The following DLGAP4 variants were observed in gnomAD, a reference collection of about 807,000 sequenced individuals.
DLGAP4 encodes the protein DLG associated protein 4.
Under a neutral mutation model 86.9 loss-of-function variants are expected in DLGAP4, and 18 were observed. The observed-to-expected ratio is 0.21, with a 90% CI of 0.14 to 0.31. The LOEUF is 0.31. Among genes scored for constraint, DLGAP4 ranks in the 10% least tolerant of loss-of-function variants. The pLI, the probability that DLGAP4 is intolerant of heterozygous loss-of-function variation, is 1.00. For synonymous variants in DLGAP4, 548 were observed against 574.3 expected, an observed-to-expected ratio of 0.95 and a Z score of 0.65; for missense variants, 1,085 against 1,362.6, an observed-to-expected ratio of 0.80 and a Z score of 3.21.
chr20:36,322,442 T>A lies in DLGAP4; in HGVS notation c.-304+15930T>A, dbSNP rs201700103. 1.3e-4 allele frequency among the ~76,000 whole-genome samples: 20 copies of A among 152,280 alleles called. No homozygotes were observed. In the East Asian group the frequency reaches 3.9e-3, roughly 29 times the overall value. On this transcript the variant is annotated intron_variant, in intron 1 of 12. Coordinates refer to ENST00000339266, the MANE Select transcript of DLGAP4 (RefSeq NM_001365621.2). ...TAGATGCAAATCCAGCTCTGCTGCT[T>A]ATTAGGGGCTTGACTTCAGCAAGTT...
At position 36,503,574 on chromosome 20, in the gene DLGAP4, G is replaced by A. The variant is rs189500850; in HGVS notation, c.2512+2963G>A. 2.6e-3 allele frequency among the ~76,000 whole-genome samples: 347 copies of A among 134,106 alleles called. 1 individual carries two copies. The highest frequency in any genetic ancestry group is 3.5e-3 in the Admixed American group (42 of 11,880). 88.0% of individuals were successfully genotyped at this position (134,106 alleles called of 152,430 possible). A position where few individuals can be genotyped will look rare whatever the true frequency, so the allele number is the denominator to read the frequency against. ...GCGATCTTGGCTCACTGCAAGCTCC[G>A]CCTCCTAGGTTCACGCCATTCTCCT... On this transcript the variant is annotated intron_variant, in intron 10 of 12. Coordinates refer to ENST00000339266, the MANE Select transcript of DLGAP4 (RefSeq NM_001365621.2).
At chr20:36,372,132 G>A (rs1277561585) in intron 2 of DLGAP4, among the ~76,000 whole-genome samples, 3 of 152,178 alleles carry the variant, frequency 2.0e-5, no homozygotes, top group Non-Finnish European at 4.4e-5. Flanking sequence ...GATAAGAATA[G>A]CGTCCGAGGG....
At chr20:36,526,507 G>A (rs969099938) in intron 12 of DLGAP4, among the ~76,000 whole-genome samples, 1 of 151,964 alleles carries the variant, frequency 6.6e-6, no homozygotes, top group Non-Finnish European at 1.5e-5. Flanking sequence ...ACTGTGACTC[G>A]GGCTAGTTCC....
chr20:36,354,180 G>T (rs556892777), intron 1 of DLGAP4, among the ~76,000 whole-genome samples: 1 of 152,274 alleles, frequency 6.6e-6, no homozygotes, highest in Non-Finnish European at 1.5e-5. Flanking sequence ...CCCCATACCT[G>T]CAGCTCCACC....
At chr20:36,330,333 A>G (rs1555891403) in intron 1 of DLGAP4, among the ~76,000 whole-genome samples, 2 of 152,088 alleles carry the variant, frequency 1.3e-5, no homozygotes, top group African/African-American at 4.8e-5. Flanking sequence ...GAGAAGGGCT[A>G]GGTTACTGCC....
chr20:36,453,934 C>CAAAAAAAAAAAA (rs1194294335), intron 7 of DLGAP4, among the ~76,000 whole-genome samples: 3 of 42,606 alleles, frequency 7.0e-5, no homozygotes, highest in Non-Finnish European at 9.4e-5. Context: ...ACTCTGTCTC[C>CAAAAAAAAAAAA]AAAAAAAAAA....
chr20:36,461,694 G>A, intron 7 of DLGAP4: 4 of 352,458 alleles, frequency 1.1e-5, no homozygotes, highest in Non-Finnish European at 1.3e-5. Flanking sequence ...CCCCGCCCCC[G>A]CCCTCGCCCT....
At chr20:36,410,044 A>T (rs1415094278) in intron 2 of DLGAP4, among the ~76,000 whole-genome samples, 1 of 152,056 alleles carries the variant, frequency 6.6e-6, no homozygotes, top group East Asian at 1.9e-4. Flanking sequence ...AAAAAAAAAA[A>T]AAAAAAAGTA....
chr20:36,335,141 G>T (rs1473664287), intron 1 of DLGAP4, among the ~76,000 whole-genome samples: 1 of 152,146 alleles, frequency 6.6e-6, no homozygotes, highest in Non-Finnish European at 1.5e-5. Context: ...AGAGCTGGAG[G>T]CTTTTGAGAT....
intron 1 of DLGAP4, among the ~76,000 whole-genome samples, chr20:36,335,902 C>T (rs2065316896): frequency 6.6e-6 from 1 of 152,096 alleles, no homozygotes; most frequent in Non-Finnish European, 1.5e-5. Flanking sequence ...CTTGTTGACT[C>T]CCAGGGGTTG....
chr20:36,377,754 C>T (rs1044770441), intron 2 of DLGAP4, among the ~76,000 whole-genome samples: 1 of 152,146 alleles, frequency 6.6e-6, no homozygotes, highest in Non-Finnish European at 1.5e-5. Flanking sequence ...CAGGTTGGGG[C>T]GGCGGATGCC....
intron 10 of DLGAP4, among the ~76,000 whole-genome samples, chr20:36,514,672 CCA>C (rs2036931137): frequency 6.6e-6 from 1 of 151,952 alleles, no homozygotes; most frequent in African/African-American, 2.4e-5. Flanking sequence ...TCTCAGCCTC[CCA>C]CAGTGTTAGG....
chr20:36,366,300 A>G (rs1277132666), intron 1 of DLGAP4, among the ~76,000 whole-genome samples: 1 of 152,014 alleles, frequency 6.6e-6, no homozygotes, highest in East Asian at 1.9e-4. Flanking sequence ...ACCTGAAGTG[A>G]TCCACCCACC....
At chr20:36,524,409 C>A in intron 11 of DLGAP4, 68 bp downstream of exon 11, 1 of 1,353,532 alleles carries the variant, frequency 7.4e-7, no homozygotes, top group African/African-American at 1.4e-5. Flanking sequence ...ACTCTGCCAG[C>A]CCCTCGAAGC....
chr20:36,431,801 C>T lies in DLGAP4; in HGVS notation c.84C>T (p.Asp28=), dbSNP rs752634217. The change falls in exon 3 of 13, where the codon GAC becomes GAT. Residue 28 remains aspartate (D), a synonymous_variant. Transcript: ENST00000339266. This position sits in a 1 kb window ranked among gnomAD's most constrained non-coding sequence, Gnocchi z 5.1. ...PPHEPLFAGT[D]RNPYLLSPTE... Reference sequence around the variant, plus strand: ...ACGAGCCCCTGTTTGCAGGGACCGACCGCAACCCCTACCTGCTGTCGCCCA... The same window carrying T: ...ACGAGCCCCTGTTTGCAGGGACCGATCGCAACCCCTACCTGCTGTCGCCCA... The T allele has an allele frequency of 6.2e-7, 1 of 1,613,760 alleles. No homozygotes were observed. The highest frequency in any genetic ancestry group is 1.7e-5 in the Admixed American group (1 of 60,024).
At chr20:36,479,356 G>A (rs1273797445) in intron 7 of DLGAP4, among the ~76,000 whole-genome samples, 3 of 152,138 alleles carry the variant, frequency 2.0e-5, no homozygotes, top group African/African-American at 2.4e-5. Flanking sequence ...GTGTCAACAG[G>A]CATTCACCTG....
intron 6 of DLGAP4, among the ~76,000 whole-genome samples, chr20:36,445,311 C>G (rs1158191835): frequency 6.6e-6 from 1 of 152,046 alleles, no homozygotes; most frequent in East Asian, 1.9e-4. Context: ...TGAGACCAGC[C>G]TAGCCAATAT....
At chr20:36,489,129 T>G (rs997880034) in intron 7 of DLGAP4, among the ~76,000 whole-genome samples, 4 of 152,132 alleles carry the variant, frequency 2.6e-5, no homozygotes, top group African/African-American at 9.7e-5. Flanking sequence ...TTGTTTACAG[T>G]ATGAGAGCTG....
intron 7 of DLGAP4, among the ~76,000 whole-genome samples, chr20:36,493,788 C>G (rs1438565376): frequency 6.6e-6 from 1 of 152,220 alleles, no homozygotes; most frequent in East Asian, 1.9e-4. Context: ...CCTTCCTGAG[C>G]TTCACGTGCC....
Sources: allele counts gnomAD v4.1 joint callset (sites outside exome capture counted in the v4.1 genomes callset), GRCh38; gene constraint gnomAD v4.1.1; non-coding constraint Gnocchi (gnomAD v3.1); transcripts MANE v1.5; gene names NCBI Gene and HGNC (gene_info 2026-07-23, HGNC 2026-07-21).